The following BTRC variants were observed in gnomAD, a reference collection of about 807,000 sequenced individuals.
The protein encoded by BTRC is beta-transducin repeat containing E3 ubiquitin protein ligase, also known as F-box/WD repeat-containing protein 1A.
Under a neutral mutation model 85.5 loss-of-function variants are expected in BTRC, and 42 were observed. The ratio of observed to expected loss-of-function variants is 0.49; its 90% CI spans 0.38 to 0.64. BTRC has a LOEUF of 0.64. Among genes scored for constraint, BTRC ranks in the 30% least tolerant of loss-of-function variants. The pLI, the probability that BTRC is intolerant of heterozygous loss-of-function variation, is 0.00. For missense variants in BTRC, 594 were observed against 743.5 expected (o/e 0.80, Z 2.34); for synonymous variants, 255 against 263.3 (o/e 0.97, Z 0.30).
At chr10:101,543,034 A>T (rs555796794) in intron 13 of BTRC, among the ~76,000 whole-genome samples, 1 of 151,896 alleles carries the variant, frequency 6.6e-6, no homozygotes, top group Admixed American at 6.5e-5. Flanking sequence ...CTGCCACCAC[A>T]CCTGGCTAAT....
intron 13 of BTRC, among the ~76,000 whole-genome samples, chr10:101,544,703 G>A (rs955095141): frequency 2.6e-5 from 4 of 152,144 alleles, no homozygotes; most frequent in Middle Eastern, 3.4e-3. Context: ...AAGCCACTGC[G>A]CCTGGCTCTG....
chr10:101,374,231 C>T (rs1942723397), intron 1 of BTRC, among the ~76,000 whole-genome samples: 1 of 151,942 alleles, frequency 6.6e-6, no homozygotes, highest in Non-Finnish European at 1.5e-5. Context: ...CTTGTTGTTT[C>T]CTGACTTTTT....
chr10:101,545,666 AC>A (rs2062547470), intron 13 of BTRC, among the ~76,000 whole-genome samples: 1 of 152,140 alleles, frequency 6.6e-6, no homozygotes. Flanking sequence ...AATGAAACCA[AC>A]CCTGCCAACA....
chr10:101,504,167 C>T (rs1312589159), intron 4 of BTRC, among the ~76,000 whole-genome samples: 1 of 152,164 alleles, frequency 6.6e-6, no homozygotes, highest in Non-Finnish European at 1.5e-5. Context: ...GGTGAACAAC[C>T]TCCACCTGAG....
At position 101,430,466 on chromosome 10, in the gene BTRC, C is replaced by A; in HGVS notation, c.156+14C>A. On this transcript the variant is annotated intron_variant, in intron 2 of 14. Transcript: ENST00000370187. The stretch of plus-strand genomic sequence containing the variant: ...ACAGCTTTCCAGGTACTTTCTCTGT[C>A]TCTGTGGGTTATTTGCGGGCATTAG... The A allele has an allele frequency of 6.2e-7, 1 of 1,606,916 alleles. No homozygotes were observed. The highest frequency in any genetic ancestry group is 1.1e-5 in the South Asian group (1 of 90,750).
intron 4 of BTRC, among the ~76,000 whole-genome samples, chr10:101,514,934 T>C (rs1042727245): frequency 2.6e-5 from 4 of 152,182 alleles, no homozygotes; most frequent in Non-Finnish European, 5.9e-5. Flanking sequence ...CAAAGGGTTT[T>C]GTGGTTTTTT....
At chr10:101,532,800 G>A (rs890248673) in intron 8 of BTRC, 152 bp from the exon 9 acceptor site, 6 of 637,848 alleles carry the variant, frequency 9.4e-6, no homozygotes, top group Admixed American at 2.5e-5. Flanking sequence ...GCGCGTGTGC[G>A]CGCGCGCGCG....
intron 2 of BTRC, among the ~76,000 whole-genome samples, chr10:101,457,204 G>C (rs1945104929): frequency 6.6e-6 from 1 of 152,194 alleles, no homozygotes; most frequent in African/African-American, 2.4e-5. Flanking sequence ...ATGATGATGT[G>C]AGACAGTAAA....
chr10:101,481,046 C>T lies in BTRC; in HGVS notation c.324+1589C>T, dbSNP rs1001879179. Among the ~76,000 whole-genome samples the T allele has an allele frequency of 3.3e-5, 5 of 152,274 alleles. No individual in the cohort carries two copies. The South Asian group carries it at 8.3e-4, about 25-fold the overall frequency. On this transcript the variant is annotated intron_variant, in intron 4 of 14. Coordinates refer to ENST00000370187, the MANE Select transcript of BTRC (RefSeq NM_033637.4). ...CCCTGATCTTCCTGCCTCAGCCTCC[C>T]GAGTAGCTGAAAACATGAGTGCATG...
Position 101,406,814 on chromosome 10 carries a change from G to A in BTRC, c.49-23531G>A, listed in dbSNP as rs960765489. Among the ~76,000 whole-genome samples, 5 of 152,250 alleles carry A rather than the reference G, an allele frequency of 3.3e-5. No individual in the cohort carries two copies. The South Asian group carries it at 8.3e-4, about 25-fold the overall frequency. On this transcript the variant is annotated intron_variant, in intron 1 of 14. Transcript: ENST00000370187. ...CTCGCAAAGTGCTGGGATTACAGGC[G>A]TGAGCCACCGTGCCCGGCCTCAGCT...
chr10:101,411,649 C>T (rs568606262), intron 1 of BTRC, among the ~76,000 whole-genome samples: 1 of 151,686 alleles, frequency 6.6e-6, no homozygotes, highest in South Asian at 2.1e-4. Flanking sequence ...TTTTTTATAC[C>T]CTACATCACT....
At chr10:101,452,183 T>C (rs1944970041) in intron 2 of BTRC, among the ~76,000 whole-genome samples, 1 of 152,196 alleles carries the variant, frequency 6.6e-6, no homozygotes, top group African/African-American at 2.4e-5. Flanking sequence ...AAATCTGAGG[T>C]GTAGAAGACC....
intron 1 of BTRC, among the ~76,000 whole-genome samples, chr10:101,366,800 ATATATATATT>A (rs1291666283): frequency 1.1e-5 from 1 of 91,976 alleles, no homozygotes; most frequent in African/African-American, 4.6e-5. Context: ...TTTTACATTT[ATATATATATT>A]TATATATATT....
At position 101,394,000 on chromosome 10, in the gene BTRC, A is replaced by T. The variant is rs369882539; in HGVS notation, c.49-36345A>T. Reference sequence around the variant, plus strand: ...CATGTCCCTCTAAAACTGAGTGTATAATTGAGTCTGTACCTAGGACTTCCA... The same window carrying T: ...CATGTCCCTCTAAAACTGAGTGTATTATTGAGTCTGTACCTAGGACTTCCA... On this transcript the variant is annotated intron_variant, in intron 1 of 14. Coordinates refer to ENST00000370187, the MANE Select transcript of BTRC (RefSeq NM_033637.4). Among the ~76,000 whole-genome samples the T allele has an allele frequency of 6.6e-4, 100 of 152,356 alleles. 2 individuals are homozygous for T. Among genetic ancestry groups the T allele is most frequent in the African/African-American group, 2.4e-3 (98 of 41,582 alleles).
intron 5 of BTRC, among the ~76,000 whole-genome samples, chr10:101,524,898 T>C (rs2062167967): frequency 6.6e-6 from 1 of 152,180 alleles, no homozygotes; most frequent in South Asian, 2.1e-4. Context: ...CTGAAAAGTG[T>C]GACTGATATC....
upstream of BTRC, chr10:101,354,061 T>G (rs1941954426): frequency 1.6e-6 from 2 of 1,219,340 alleles, no homozygotes; most frequent in Non-Finnish European, 2.3e-6. Context: ...AGCCTGCGCC[T>G]GAGAGGTAAG....
intron 1 of BTRC, among the ~76,000 whole-genome samples, chr10:101,385,207 G>GAA (rs113587011): frequency 4.7e-5 from 7 of 148,352 alleles, no homozygotes; most frequent in Admixed American, 1.3e-4. Flanking sequence ...CTAAAAAAAA[G>GAA]AAAAAAAAAA....
chr10:101,532,771 T>TGC (rs1433847135), intron 8 of BTRC, among the ~76,000 whole-genome samples, 181 bp from the exon 9 acceptor site: 44 of 72,088 alleles, frequency 6.1e-4, no homozygotes, highest in Non-Finnish European at 1.0e-3. Context: ...TGTGTGTGTG[T>TGC]GTGTGTGTGT....
intron 1 of BTRC, among the ~76,000 whole-genome samples, chr10:101,383,985 C>T (rs548982764): frequency 2.6e-4 from 39 of 152,202 alleles, no homozygotes; most frequent in African/African-American, 8.7e-4. Context: ...AAATAGTTGC[C>T]GGTACCACAG....
Sources: gnomAD v4.1 joint callset for allele counts (sites outside exome capture counted in the v4.1 genomes callset) on GRCh38, gnomAD v4.1.1 for gene constraint, MANE v1.5 for transcripts, NCBI Gene and HGNC (gene_info 2026-07-23, HGNC 2026-07-21) for gene names.